HECW1: variants seen among roughly 807,000 people sequenced by gnomAD.
The protein encoded by HECW1 is E3 ubiquitin-protein ligase HECW1.
Under a neutral mutation model 182.3 loss-of-function variants are expected in HECW1, and 61 were observed. The observed-to-expected ratio is 0.33, with a 90% CI of 0.27 to 0.41. The LOEUF is 0.41. HECW1 is among the 10% of genes least tolerant of loss of function. HECW1 has a pLI of 1.00. For missense variants in HECW1, 1,739 were observed against 2,108.9 expected, an observed-to-expected ratio of 0.82 and a Z score of 3.44; for synonymous variants, 859 against 832.6, an observed-to-expected ratio of 1.03 and a Z score of -0.55.
At chr7:43,235,434 C>T (rs147372512) in intron 2 of HECW1, among the ~76,000 whole-genome samples, 193 of 152,204 alleles carry the variant, frequency 1.3e-3, no homozygotes, top group African/African-American at 4.1e-3. Context: ...TTTAAAACTG[C>T]GGAATAAGAG....
intron 17 of HECW1, among the ~76,000 whole-genome samples, chr7:43,490,932 A>G (rs368861282): frequency 2.4e-4 from 37 of 152,084 alleles, no homozygotes; most frequent in African/African-American, 8.2e-4. Context: ...TTATTTTTAG[A>G]TTTTTAGTGG....
At chr7:43,250,329 T>C (rs1278122941) in intron 3 of HECW1, among the ~76,000 whole-genome samples, 1 of 152,118 alleles carries the variant, frequency 6.6e-6, no homozygotes, top group East Asian at 1.9e-4. Context: ...GGCTTGGATG[T>C]TGTAGATGGG....
chr7:43,381,570 C>A (rs575417685), intron 6 of HECW1, among the ~76,000 whole-genome samples: 119 of 151,320 alleles, frequency 7.9e-4, no homozygotes, highest in Non-Finnish European at 1.3e-3. Context: ...CTCACTGCAA[C>A]CTCCACCTCC....
intron 3 of HECW1, among the ~76,000 whole-genome samples, chr7:43,266,453 G>A (rs1801812975): frequency 2.0e-5 from 3 of 152,140 alleles, no homozygotes; most frequent in Non-Finnish European, 1.5e-5. Context: ...CTCTGCCTCA[G>A]CCTCCTGAGT....
intron 2 of HECW1, among the ~76,000 whole-genome samples, chr7:43,165,065 G>A (rs1790959158): frequency 6.6e-6 from 1 of 152,154 alleles, no homozygotes; most frequent in Non-Finnish European, 1.5e-5. Flanking sequence ...AATGCCATAA[G>A]TTAGTCTGGC....
At chr7:43,323,541 G>A (rs1810392274) in intron 5 of HECW1, among the ~76,000 whole-genome samples, 1 of 152,142 alleles carries the variant, frequency 6.6e-6, no homozygotes, top group Non-Finnish European at 1.5e-5. Context: ...AGCTATGATA[G>A]TGCCACTAAA....
intron 6 of HECW1, among the ~76,000 whole-genome samples, chr7:43,368,827 A>G (rs1320076232): frequency 6.6e-6 from 1 of 152,200 alleles, no homozygotes; most frequent in Non-Finnish European, 1.5e-5. Context: ...TCTGGACTCT[A>G]AGAAGCAAAA....
chr7:43,417,416 C>T (rs1032783270), intron 8 of HECW1, among the ~76,000 whole-genome samples: 1 of 152,158 alleles, frequency 6.6e-6, no homozygotes, highest in African/African-American at 2.4e-5. Flanking sequence ...GAGCTCCTTC[C>T]CCTGGCCTTT....
intron 3 of HECW1, among the ~76,000 whole-genome samples, chr7:43,254,542 A>C (rs1800363987): frequency 1.3e-5 from 2 of 152,256 alleles, no homozygotes; most frequent in South Asian, 4.1e-4. Flanking sequence ...AATGTACTGG[A>C]AAACACACAA....
chr7:43,382,695 G>T lies in HECW1; in HGVS notation c.556-14119G>T, dbSNP rs77847815. On this transcript the variant is annotated intron_variant, in intron 6 of 29. Transcript: ENST00000395891. Reference sequence around the variant, plus strand: ...TCCCACCAGATGGAAGGATAGATGTGGGGGGAGGGGTTGGATAAATGAGTG... The same window carrying T: ...TCCCACCAGATGGAAGGATAGATGTTGGGGGAGGGGTTGGATAAATGAGTG... 4.3e-3 allele frequency among the ~76,000 whole-genome samples: 648 copies of T among 152,248 alleles called. 5 individuals carry two copies. Among genetic ancestry groups the T allele is most frequent in the East Asian group, 0.02 (103 of 5,186 alleles).
chr7:43,482,707 AC>A (rs2078482095), intron 17 of HECW1, among the ~76,000 whole-genome samples: 1 of 152,148 alleles, frequency 6.6e-6, no homozygotes, highest in Non-Finnish European at 1.5e-5. Context: ...GGAGTTTGCA[AC>A]CAGTCTGGGC....
chr7:43,255,331 G>A (rs1032153105), intron 3 of HECW1, among the ~76,000 whole-genome samples: 2 of 152,162 alleles, frequency 1.3e-5, no homozygotes, highest in African/African-American at 4.8e-5. Flanking sequence ...GGGCCTGGTG[G>A]CTCATGCCTG....
intron 5 of HECW1, among the ~76,000 whole-genome samples, chr7:43,343,130 A>G (rs1430068257): frequency 6.6e-6 from 1 of 151,648 alleles, no homozygotes; most frequent in Non-Finnish European, 1.5e-5. Context: ...TAATTCATCA[A>G]CTCTGATTAT....
chr7:43,150,479 A>G (rs772043832), intron 2 of HECW1, among the ~76,000 whole-genome samples: 1 of 152,032 alleles, frequency 6.6e-6, no homozygotes, highest in African/African-American at 2.4e-5. Flanking sequence ...CCTGGGTTCA[A>G]GTGATTCTTA....
chr7:43,350,319 G>C (rs1258091684), intron 5 of HECW1, among the ~76,000 whole-genome samples: 1 of 152,110 alleles, frequency 6.6e-6, no homozygotes, highest in African/African-American at 2.4e-5. Flanking sequence ...CTTAACTTTA[G>C]ATAACCTGAT....
chr7:43,462,148 A>G (rs1172238052), intron 13 of HECW1, among the ~76,000 whole-genome samples: 2 of 152,152 alleles, frequency 1.3e-5, no homozygotes, highest in Non-Finnish European at 2.9e-5. Context: ...CTGGGACTGC[A>G]CTTGGAGACA....
intron 8 of HECW1, among the ~76,000 whole-genome samples, chr7:43,410,876 A>G (rs2075778660): frequency 6.6e-6 from 1 of 151,994 alleles, no homozygotes; most frequent in Non-Finnish European, 1.5e-5. Context: ...ATATTGGTGA[A>G]TTGCTTTTTT....
chr7:43,517,359 C>G (rs1001489520), intron 24 of HECW1, among the ~76,000 whole-genome samples: 1 of 151,672 alleles, frequency 6.6e-6, no homozygotes, highest in Non-Finnish European at 1.5e-5. Context: ...GCCCCAGCCC[C>G]GACCTCTCTC....
intron 2 of HECW1, among the ~76,000 whole-genome samples, chr7:43,187,927 C>A (rs1239723508): frequency 6.6e-6 from 1 of 152,156 alleles, no homozygotes; most frequent in East Asian, 1.9e-4. Flanking sequence ...CCATCTGTTA[C>A]CAAGCAGGCA....
Sources: allele counts gnomAD v4.1 joint callset (sites outside exome capture counted in the v4.1 genomes callset), GRCh38; gene constraint gnomAD v4.1.1; transcripts MANE v1.5; gene names NCBI Gene and HGNC (gene_info 2026-07-23, HGNC 2026-07-21).